The following POLN variants were observed in gnomAD, a reference collection of about 807,000 sequenced individuals.
POLN encodes DNA polymerase nu.
POLN carries 108 observed loss-of-function variants against 113.5 expected under a neutral mutation model. The observed-to-expected ratio is 0.95, with a 90% CI of 0.81 to 1.12. POLN has a LOEUF of 1.12. POLN is among the 50% of genes most tolerant of loss of function. POLN has a pLI of 0.00. For missense variants in POLN, 1,097 were observed against 1,077.1 expected, an observed-to-expected ratio of 1.02 and a Z score of -0.26; for synonymous variants, 386 against 391.5, an observed-to-expected ratio of 0.99 and a Z score of 0.17.
rs562730546 is a variant in POLN, at chr4:2,139,310, A to G, written c.1732-8020T>C. Among the ~76,000 whole-genome samples, 53 of 152,344 alleles carry G rather than the reference A, an allele frequency of 3.5e-4. No homozygotes were observed. The South Asian group carries it at 6.0e-3, about 17-fold the overall frequency. On this transcript the variant is annotated intron_variant, in intron 16 of 25. Coordinates refer to ENST00000511885, the MANE Select transcript of POLN (RefSeq NM_181808.4). The stretch of plus-strand genomic sequence containing the variant: ...CCCTGGGGTCAGCAAGGCTGTGGTC[A>G]CTGTGCTGGGCAGCGTGACTCAAAG...
chr4:2,202,165 T>C (rs1468366480), intron 5 of POLN, among the ~76,000 whole-genome samples: 1 of 151,826 alleles, frequency 6.6e-6, no homozygotes, highest in Non-Finnish European at 1.5e-5. Flanking sequence ...CAACAAATAG[T>C]ACAATGAATG....
intron 13 of POLN, among the ~76,000 whole-genome samples, chr4:2,162,882 T>C (rs1732633436): frequency 6.6e-6 from 1 of 152,176 alleles, no homozygotes; most frequent in African/African-American, 2.4e-5. Flanking sequence ...AATTAATTCC[T>C]AGTAATTCCT....
chr4:2,161,893 T>A (rs1337196084), intron 13 of POLN, among the ~76,000 whole-genome samples: 1 of 152,176 alleles, frequency 6.6e-6, no homozygotes, highest in African/African-American at 2.4e-5. Context: ...TGTATCTAGC[T>A]ACTCTGGTGG....
chr4:2,118,122 C>A (rs1030798643), intron 19 of POLN, among the ~76,000 whole-genome samples: 2 of 152,298 alleles, frequency 1.3e-5, no homozygotes, highest in Admixed American at 1.3e-4. Flanking sequence ...ACTGCAGGTA[C>A]CTTGAGTTTA....
At chr4:2,193,414 A>C (rs1733501785) in intron 6 of POLN, 98 bp from the exon 7 acceptor site, 3 of 703,026 alleles carry the variant, frequency 4.3e-6, no homozygotes. Context: ...TATCACTTAG[A>C]TAGCACATAC....
In POLN at chr4:2,142,871, A is replaced by AT. The variant is rs1732038461; in HGVS notation, c.1732-11582dup. Among the ~76,000 whole-genome samples, 4 of 149,748 alleles carry AT rather than the reference A, an allele frequency of 2.7e-5. No homozygotes were observed. In the South Asian group the frequency reaches 8.5e-4, roughly 32 times the overall value. ...CCGCCATCCTTGATACCCAGCCAAG[A>AT]TTTTTTTGGTAATTTTCCATCTACT... On this transcript the variant is annotated intron_variant, in intron 16 of 25. Coordinates refer to ENST00000511885, the MANE Select transcript of POLN (RefSeq NM_181808.4).
At chr4:2,096,432 A>C (rs1315845453) in intron 19 of POLN, among the ~76,000 whole-genome samples, 1 of 152,016 alleles carries the variant, frequency 6.6e-6, no homozygotes, top group Non-Finnish European at 1.5e-5. Context: ...ATAAGGATCA[A>C]CTCAGCATCT....
intron 2 of POLN, chr4:2,240,540 C>T: frequency 6.2e-7 from 1 of 1,613,666 alleles, no homozygotes; most frequent in Non-Finnish European, 8.5e-7. Context: ...AGCATTTAAC[C>T]TCAGAGATTT....
chr4:2,095,849 A>G lies in POLN; in HGVS notation c.2065+2T>C. On this transcript the variant is annotated splice_donor_variant, in intron 20 of 25. Coordinates refer to ENST00000511885, the MANE Select transcript of POLN (RefSeq NM_181808.4). LOFTEE classifies it high-confidence loss of function. Reference sequence around the variant, plus strand: ...GACCCCAGCTCCCGGCCCGCAGCCTACCTGCTCCATAGACCACCGCGTACA... The same window carrying G: ...GACCCCAGCTCCCGGCCCGCAGCCTGCCTGCTCCATAGACCACCGCGTACA... 1 of 1,613,744 alleles carries G rather than the reference A, an allele frequency of 6.2e-7. No individual in the cohort carries two copies. Among genetic ancestry groups the G allele is most frequent in the Non-Finnish European group, 8.5e-7 (1 of 1,179,906 alleles).
At chr4:2,129,868 G>A (rs1418062978) in intron 17 of POLN, among the ~76,000 whole-genome samples, 1 of 152,108 alleles carries the variant, frequency 6.6e-6, no homozygotes, top group East Asian at 1.9e-4. Flanking sequence ...CTGATTGAAG[G>A]TCTATGTGGG....
At chr4:2,119,083 TA>T (rs1192918371) in intron 19 of POLN, among the ~76,000 whole-genome samples, 5 of 152,244 alleles carry the variant, frequency 3.3e-5, no homozygotes, top group Non-Finnish European at 7.3e-5. Context: ...CACTTGCCTG[TA>T]CTTTTTCTGT....
At chr4:2,080,085 G>C in intron 23 of POLN, 1 of 985,500 alleles carries the variant, frequency 1.0e-6, no homozygotes, top group Non-Finnish European at 1.2e-6. Context: ...CAGAGGGCGA[G>C]GGGCCCTTCG....
chr4:2,222,073 A>C (rs946892702), intron 3 of POLN, among the ~76,000 whole-genome samples: 2 of 152,114 alleles, frequency 1.3e-5, no homozygotes, highest in Non-Finnish European at 2.9e-5. Flanking sequence ...AGGCAAAATA[A>C]ACTTTCTAAA....
Position 2,163,706 on chromosome 4 carries a change from C to T in POLN, c.1555-4495G>A, listed in dbSNP as rs554326835. On this transcript the variant is annotated intron_variant, in intron 13 of 25. Transcript: ENST00000511885. ...TAGGCTCCCCCGCCCAATTCTGACT[C>T]GTGGGATCAGCTGTGGGCCTGGGCA... 1.3e-4 allele frequency among the ~76,000 whole-genome samples: 20 copies of T among 152,378 alleles called. 1 individual carries two copies. The South Asian group carries it at 3.9e-3, about 30-fold the overall frequency.
At chr4:2,166,833 TCAGCTTCCCTGGGTCTC>T (rs1732740538) in intron 13 of POLN, among the ~76,000 whole-genome samples, 1 of 152,108 alleles carries the variant, frequency 6.6e-6, no homozygotes, top group Non-Finnish European at 1.5e-5. Context: ...AGCCACACTA[TCAGCTTCCCTGGGTCTC>T]CAGCTTGAAG....
intron 20 of POLN, among the ~76,000 whole-genome samples, chr4:2,094,366 A>AAAAAAAAAAAAAAAG (rs1577687695): frequency 6.7e-6 from 1 of 148,660 alleles, no homozygotes; most frequent in South Asian, 2.1e-4. Flanking sequence ...CTGTCTCCAA[A>AAAAAAAAAAAAAAAG]AAAAAAAAAG....
chr4:2,190,506 T>C (rs1252287082), intron 7 of POLN, among the ~76,000 whole-genome samples: 22 of 150,934 alleles, frequency 1.5e-4, no homozygotes, highest in Non-Finnish European at 4.4e-5. Context: ...ACTTCAAAAG[T>C]ATAGGCAACA....
intron 11 of POLN, 54 bp downstream of exon 11, chr4:2,173,901 T>C: frequency 2.6e-6 from 4 of 1,519,148 alleles, no homozygotes; most frequent in Non-Finnish European, 3.7e-6. Context: ...TGGGAACAAC[T>C]ATCTCATGCA....
At chr4:2,185,629 C>A (rs1271425274) in intron 7 of POLN, among the ~76,000 whole-genome samples, 1 of 152,050 alleles carries the variant, frequency 6.6e-6, no homozygotes, top group African/African-American at 2.4e-5. Context: ...GCCTGTAATC[C>A]CAGCTACTCA....
Sources: gnomAD v4.1 joint callset for allele counts (sites outside exome capture counted in the v4.1 genomes callset) on GRCh38, gnomAD v4.1.1 for gene constraint, MANE v1.5 for transcripts, NCBI Gene and HGNC (gene_info 2026-07-23, HGNC 2026-07-21) for gene names.